The following ATP11A variants were observed in gnomAD, a reference collection of about 807,000 sequenced individuals.
ATP11A encodes the protein ATPase phospholipid transporting 11A.
In ATP11A, 81 loss-of-function variants were observed where a neutral mutation model predicts 154.4. That is an observed-to-expected ratio of 0.52 (90% CI 0.44 to 0.63). The LOEUF (loss-of-function observed/expected upper bound fraction) is 0.63, where lower values mean the gene tolerates loss of function less well. Ranked by LOEUF, ATP11A falls within the 30% of genes least tolerant of loss-of-function variation. ATP11A has a pLI of 0.00. For synonymous variants in ATP11A, 623 were observed against 585.9 expected (o/e 1.06, Z -0.91); for missense variants, 1,316 against 1,474.3 (o/e 0.89, Z 1.76).
intron 14 of ATP11A, among the ~76,000 whole-genome samples, chr13:112,833,321 A>C (rs1226799429): frequency 6.6e-6 from 1 of 152,194 alleles, no homozygotes; most frequent in African/African-American, 2.4e-5. Context: ...CACAGGCTTC[A>C]AAATACGGAA....
chr13:112,826,060 TC>T (rs997563138), intron 11 of ATP11A, among the ~76,000 whole-genome samples: 1 of 151,654 alleles, frequency 6.6e-6, no homozygotes, highest in African/African-American at 2.4e-5. Context: ...CAGACCCATA[TC>T]CACTGAGCCT....
At position 112,862,497 on chromosome 13, in the gene ATP11A, G is replaced by A; in HGVS notation, c.2913G>A (p.Leu971=). 6.2e-7 allele frequency: 1 copy of A among 1,614,158 alleles called. No homozygotes were observed. The highest frequency in any genetic ancestry group is 8.5e-7 in the Non-Finnish European group (1 of 1,180,010). The stretch of plus-strand genomic sequence containing the variant: ...GCGTGTTCATCTACTGGACGCTCCT[G>A]GGACTGTTTGACGCACTGGTGTTCT... ...RWRVFIYWTL[L]GLFDALVFFF... is the part of the protein sequence containing the mutation. Residue 971 remains leucine (L), a synonymous_variant, in exon 25 of 30, where the codon CTG becomes CTA. Transcript: ENST00000375645.
chr13:112,850,340 G>A (rs866001388), intron 17 of ATP11A, among the ~76,000 whole-genome samples: 15 of 152,158 alleles, frequency 9.9e-5, no homozygotes, highest in South Asian at 6.2e-4. Context: ...TGTGACGGTC[G>A]CGCTCAGCAG....
intron 4 of ATP11A, among the ~76,000 whole-genome samples, chr13:112,809,652 T>C (rs569838278): frequency 2.6e-5 from 4 of 152,246 alleles, no homozygotes; most frequent in Non-Finnish European, 4.4e-5. Context: ...TCGACACTCA[T>C]TAGATGCGGT....
At chr13:112,740,568 A>T (rs1302234277) in intron 1 of ATP11A, among the ~76,000 whole-genome samples, 4 of 152,212 alleles carry the variant, frequency 2.6e-5, no homozygotes, top group African/African-American at 7.2e-5. Flanking sequence ...GCATCCGATA[A>T]CCTTTTAGAG....
At chr13:112,702,450 G>A (rs560174543) in intron 1 of ATP11A, among the ~76,000 whole-genome samples, 3 of 152,230 alleles carry the variant, frequency 2.0e-5, no homozygotes, top group East Asian at 1.9e-4. Context: ...GCAGAGCCTC[G>A]GAAGGCGTGC....
chr13:112,852,523 A>C (rs2079795717), intron 18 of ATP11A, among the ~76,000 whole-genome samples: 1 of 152,178 alleles, frequency 6.6e-6, no homozygotes, highest in African/African-American at 2.4e-5. Context: ...GCGCAGGGCC[A>C]CGGCCGCCGA....
At chr13:112,702,044 G>A (rs953714115) in intron 1 of ATP11A, among the ~76,000 whole-genome samples, 3 of 151,604 alleles carry the variant, frequency 2.0e-5, no homozygotes, top group Non-Finnish European at 4.4e-5. Context: ...CACAGAGTGT[G>A]CAAAAACACT....
At chr13:112,880,568 C>T in intron 29 of ATP11A, 1 of 1,300,234 alleles carries the variant, frequency 7.7e-7, no homozygotes, top group Non-Finnish European at 1.0e-6. Flanking sequence ...CACAAGGCTC[C>T]AGTCCAGGCC....
At chr13:112,724,688 G>A (rs1033413112) in intron 1 of ATP11A, among the ~76,000 whole-genome samples, 11 of 151,914 alleles carry the variant, frequency 7.2e-5, no homozygotes, top group African/African-American at 1.9e-4. Flanking sequence ...GGGTGAGGCC[G>A]GCCCCCCCCC....
In ATP11A at chr13:112,827,016, A is replaced by G. The variant is rs2140229814; in HGVS notation, c.1221+125A>G. ...CCTGTAGCTGGCGTAAGACAGCAGC[A>G]GGGTTGTTTTGAACCCTATTTATGA... On this transcript the variant is annotated intron_variant, in intron 12 of 29. Coordinates refer to ENST00000375645, the MANE Select transcript of ATP11A (RefSeq NM_015205.3). 3.1e-6 allele frequency: 3 copies of G among 959,442 alleles called. No individual in the cohort carries two copies. In the South Asian group the frequency reaches 4.5e-5, roughly 14 times the overall value. 59.4% of individuals were successfully genotyped at this position (959,442 alleles called of 1,614,324 possible). A position where few individuals can be genotyped will look rare whatever the true frequency, so the allele number is the denominator to read the frequency against.
chr13:112,791,058 G>A (rs544002919), intron 2 of ATP11A, among the ~76,000 whole-genome samples: 9 of 152,178 alleles, frequency 5.9e-5, no homozygotes, highest in African/African-American at 9.7e-5. Flanking sequence ...TTACAAAGTC[G>A]ACGCAGTCTC....
Position 112,690,457 on chromosome 13 carries a change from T to G in ATP11A, c.39+2T>G. The G allele has an allele frequency of 7.4e-7, 1 of 1,350,576 alleles. No individual in the cohort carries two copies. The highest frequency in any genetic ancestry group is 9.5e-7 in the Non-Finnish European group (1 of 1,048,870). The allele number at this position is 1,350,576 out of a possible 1,614,324, so 83.7% of individuals were successfully genotyped here. A position where few individuals can be genotyped will look rare whatever the true frequency, so the allele number is the denominator to read the frequency against. The stretch of plus-strand genomic sequence containing the variant: ...GTGCGGACGCTCGTGCACAGATACG[T>G]GAGTGCTCCCGGCGCGGGCTGGGGG... On this transcript the variant is annotated splice_donor_variant, in intron 1 of 29. Transcript: ENST00000375645. LOFTEE classifies it high-confidence loss of function. The surrounding 1 kb of genome is among the most constrained non-coding windows in gnomAD (Gnocchi z 5.6).
At chr13:112,695,040 CTTAT>C (rs1286382336) in intron 1 of ATP11A, among the ~76,000 whole-genome samples, 2 of 152,134 alleles carry the variant, frequency 1.3e-5, no homozygotes, top group Admixed American at 1.3e-4. Flanking sequence ...GAAAGACAGA[CTTAT>C]TTATTTAACT....
At chr13:112,871,884 T>G in intron 26 of ATP11A, 84 bp downstream of exon 26, 1 of 1,399,096 alleles carries the variant, frequency 7.1e-7, no homozygotes, top group Admixed American at 1.7e-5. Context: ...GCTCTCTGAA[T>G]TATAACTCTG....
rs1036323068 is a variant in ATP11A, at chr13:112,708,155, A to G, written c.39+17700A>G. 8.0e-3 allele frequency among the ~76,000 whole-genome samples: 3 copies of G among 376 alleles called. No homozygotes were observed. The East Asian group carries it at 0.25, about 31-fold the overall frequency. 0.2% of individuals were successfully genotyped at this position (376 alleles called of 152,430 possible). A position where few individuals can be genotyped will look rare whatever the true frequency, so the allele number is the denominator to read the frequency against. On this transcript the variant is annotated intron_variant, in intron 1 of 29. Coordinates refer to ENST00000375645, the MANE Select transcript of ATP11A (RefSeq NM_015205.3). ...AGCTACCACTTCAAGCATCTCGACAACTTTTACAGGGAAAACGCTTCCACA... is the reference window on the plus strand; with the variant it reads ...AGCTACCACTTCAAGCATCTCGACAGCTTTTACAGGGAAAACGCTTCCACA...
chr13:112,840,568 C>T (rs1365131610), intron 16 of ATP11A, among the ~76,000 whole-genome samples: 3 of 150,086 alleles, frequency 2.0e-5, no homozygotes, highest in Non-Finnish European at 4.4e-5. Flanking sequence ...CCAGCCTCAG[C>T]CTCCGTCCTC....
chr13:112,878,538 G>T, intron 29 of ATP11A: 1 of 585,440 alleles, frequency 1.7e-6, no homozygotes, highest in Non-Finnish European at 3.1e-6. Context: ...CAGCGTCCGT[G>T]CAGCCTCAGA....
At chr13:112,828,059 A>AGGAAAGTGCCCAGCAGCGTTGAGTGTGGG (rs1241240809) in intron 12 of ATP11A, among the ~76,000 whole-genome samples, 1 of 146,048 alleles carries the variant, frequency 6.8e-6, no homozygotes, top group Admixed American at 7.2e-5. Flanking sequence ...TTCTGTAACA[A>AGGAAAGTGCCCAGCAGCGTTGAGTGTGGG]GGAAAGTGCC....
Sources: allele counts gnomAD v4.1 joint callset (sites outside exome capture counted in the v4.1 genomes callset), GRCh38; gene constraint gnomAD v4.1.1; non-coding constraint Gnocchi (gnomAD v3.1); transcripts MANE v1.5; gene names NCBI Gene and HGNC (gene_info 2026-07-23, HGNC 2026-07-21).